Variants in AATF observed in about 807,000 individuals in gnomAD.
AATF encodes the protein protein AATF.
Under a neutral mutation model 63.7 loss-of-function variants are expected in AATF, and 48 were observed. The ratio of observed to expected loss-of-function variants is 0.75; its 90% CI spans 0.60 to 0.96. AATF has a LOEUF of 0.96. Ranked by LOEUF, AATF falls within the 40% of genes least tolerant of loss-of-function variation. AATF has a pLI of 0.00. For synonymous variants in AATF, 258 were observed against 247.7 expected, an observed-to-expected ratio of 1.04 and a Z score of -0.39; for missense variants, 639 against 685.7, an observed-to-expected ratio of 0.93 and a Z score of 0.76.
At chr17:36,980,192 A>G (rs931012592) in intron 4 of AATF, 3 of 152,240 alleles carry the variant, frequency 2.0e-5, no homozygotes, top group Non-Finnish European at 4.4e-5. Flanking sequence ...TCCATTCAGC[A>G]TAACATGACT....
chr17:36,977,564 T>G (rs1459729437), intron 4 of AATF, among the ~76,000 whole-genome samples: 1 of 152,124 alleles, frequency 6.6e-6, no homozygotes, highest in African/African-American at 2.4e-5. Flanking sequence ...AATTTTATTT[T>G]TAATAAGTTT....
At chr17:36,963,972 T>C (rs1176913102) in intron 4 of AATF, among the ~76,000 whole-genome samples, 1 of 151,982 alleles carries the variant, frequency 6.6e-6, no homozygotes, top group Non-Finnish European at 1.5e-5. Flanking sequence ...AGCCCAGGAG[T>C]TCAGGACCAG....
chr17:36,980,614 G>A (rs2142236736), intron 4 of AATF, among the ~76,000 whole-genome samples: 1 of 152,282 alleles, frequency 6.6e-6, no homozygotes, highest in East Asian at 1.9e-4. Flanking sequence ...ATGAATAATA[G>A]AGAGTGGTTT....
intron 6 of AATF, 131 bp from the exon 7 acceptor site, chr17:36,989,116 C>T (rs1438012616): frequency 3.6e-5 from 39 of 1,097,368 alleles, no homozygotes; most frequent in Non-Finnish European, 4.6e-5. Context: ...AAACTCAGTC[C>T]TTTACAGAAA....
chr17:36,986,405 C>G (rs1012074384), intron 4 of AATF, among the ~76,000 whole-genome samples: 5 of 152,194 alleles, frequency 3.3e-5, no homozygotes, highest in Admixed American at 1.3e-4. Context: ...CATGCATGAT[C>G]TTGCTTGTTC....
At chr17:37,012,879 C>T (rs1453809513) in intron 8 of AATF, among the ~76,000 whole-genome samples, 2 of 152,146 alleles carry the variant, frequency 1.3e-5, no homozygotes, top group Non-Finnish European at 2.9e-5. Context: ...ATAAGAGCTA[C>T]ACTATTAATT....
chr17:36,969,182 A>C (rs1440121593), intron 4 of AATF, among the ~76,000 whole-genome samples: 1 of 152,222 alleles, frequency 6.6e-6, no homozygotes, highest in Non-Finnish European at 1.5e-5. Flanking sequence ...CCATTTTGGA[A>C]GAACTCCCAA....
chr17:37,043,206 A>T (rs2071657981), intron 11 of AATF: 1 of 152,236 alleles, frequency 6.6e-6, no homozygotes, highest in Admixed American at 6.6e-5. Flanking sequence ...CCTGCCAGTC[A>T]AGGCCATCGA....
intron 4 of AATF, among the ~76,000 whole-genome samples, chr17:36,981,484 C>T (rs2071123206): frequency 1.3e-5 from 2 of 151,156 alleles, no homozygotes; most frequent in South Asian, 4.2e-4. Flanking sequence ...TGCTTCGTTA[C>T]CCGGACTTGA....
chr17:36,981,824 A>G (rs1166058760), intron 4 of AATF, among the ~76,000 whole-genome samples: 4 of 151,480 alleles, frequency 2.6e-5, no homozygotes, highest in African/African-American at 9.7e-5. Flanking sequence ...GGCATGAGCC[A>G]CGGTAACTAG....
chr17:37,040,685 C>A (rs577699628), intron 11 of AATF, among the ~76,000 whole-genome samples: 1 of 151,258 alleles, frequency 6.6e-6, no homozygotes, highest in Non-Finnish European at 1.5e-5. Context: ...CCCCCATCCC[C>A]ACCCCTAGCT....
intron 11 of AATF, among the ~76,000 whole-genome samples, chr17:37,044,681 CA>C (rs2071674427): frequency 6.6e-6 from 1 of 152,124 alleles, no homozygotes; most frequent in Admixed American, 6.5e-5. Flanking sequence ...TTCTTGCGTC[CA>C]GAGGAATTTC....
intron 4 of AATF, among the ~76,000 whole-genome samples, chr17:36,979,403 A>T (rs1431089345): frequency 6.6e-6 from 1 of 152,192 alleles, no homozygotes; most frequent in Non-Finnish European, 1.5e-5. Flanking sequence ...TTGGGGGATT[A>T]ATTGCTGGGG....
chr17:37,028,192 A>G (rs986918906), intron 10 of AATF, among the ~76,000 whole-genome samples: 1 of 151,966 alleles, frequency 6.6e-6, no homozygotes, highest in East Asian at 1.9e-4. Flanking sequence ...TGGGAGGATC[A>G]CTTGAATTTA....
At chr17:37,032,995 A>G (rs1160080678) in intron 11 of AATF, among the ~76,000 whole-genome samples, 1 of 152,186 alleles carries the variant, frequency 6.6e-6, no homozygotes, top group Non-Finnish European at 1.5e-5. Flanking sequence ...AACTACATAT[A>G]AACTTTTTAT....
At chr17:37,025,184 A>G (rs2071501794) in intron 10 of AATF, among the ~76,000 whole-genome samples, 1 of 152,200 alleles carries the variant, frequency 6.6e-6, no homozygotes, top group African/African-American at 2.4e-5. Context: ...ATTGATATGT[A>G]TAAGAGAGAG....
rs115355782 is a variant in AATF at position 37,038,277 on chromosome 17, T to C, written c.1619+6592T>C. On this transcript the variant is annotated intron_variant, in intron 11 of 11. Transcript: ENST00000619387. Reference sequence around the variant, plus strand: ...TTTTGACAGACCCTCTGAGGCAGACTGAGTTAATTGTCATTTGTTGTGTGG... The same window carrying C: ...TTTTGACAGACCCTCTGAGGCAGACCGAGTTAATTGTCATTTGTTGTGTGG... Among the ~76,000 whole-genome samples the C allele has an allele frequency of 8.0e-3, 1,219 of 152,342 alleles. 12 individuals carry two copies. Among genetic ancestry groups the C allele is most frequent in the African/African-American group, 0.027 (1,108 of 41,586 alleles).
intron 4 of AATF, among the ~76,000 whole-genome samples, chr17:36,979,631 T>C (rs1029342929): frequency 2.6e-5 from 4 of 152,310 alleles, no homozygotes; most frequent in African/African-American, 7.2e-5. Flanking sequence ...CATAAATAAT[T>C]GTAATGTTTG....
rs556778642 is a variant in AATF at position 37,011,975 on chromosome 17, A to G, written c.1399-7030A>G. On this transcript the variant is annotated intron_variant, in intron 8 of 11. Coordinates refer to ENST00000619387, the MANE Select transcript of AATF (RefSeq NM_012138.4). ...AAGGTATAGTAATTCCTTCCCAACTATTTGAAATTATAGTATATGCAATTT... is the reference window on the plus strand; with the variant it reads ...AAGGTATAGTAATTCCTTCCCAACTGTTTGAAATTATAGTATATGCAATTT... Among the ~76,000 whole-genome samples the G allele has an allele frequency of 2.0e-5, 3 of 152,270 alleles. No homozygotes were observed. In the East Asian group the frequency reaches 5.8e-4, roughly 29 times the overall value.
Sources: gnomAD v4.1 joint callset for allele counts (sites outside exome capture counted in the v4.1 genomes callset) on GRCh38, gnomAD v4.1.1 for gene constraint, MANE v1.5 for transcripts, NCBI Gene and HGNC (gene_info 2026-07-23, HGNC 2026-07-21) for gene names.